The following KMT2E variants were observed in gnomAD, a reference collection of about 807,000 sequenced individuals.
KMT2E encodes lysine methyltransferase 2E (inactive), also known as histone reader KMT2E.
A neutral mutation model predicts 184.6 loss-of-function variants in KMT2E; 30 were observed. The ratio of observed to expected loss-of-function variants is 0.16; its 90% CI spans 0.12 to 0.22. KMT2E has a LOEUF of 0.22. Among genes scored for constraint, KMT2E ranks in the 10% least tolerant of loss-of-function variants. The pLI is 1.00. For synonymous variants in KMT2E, 815 were observed against 776.5 expected (o/e 1.05, Z -0.82); for missense variants, 2,023 against 2,237.4 (o/e 0.90, Z 1.93).
intron 1 of KMT2E, among the ~76,000 whole-genome samples, chr7:105,023,691 C>T (rs1162943418): frequency 6.6e-6 from 1 of 152,104 alleles, no homozygotes; most frequent in African/African-American, 2.4e-5. Context: ...GTGATCCACC[C>T]ACCTTGGCCT....
chr7:105,025,750 G>A (rs750489689), intron 1 of KMT2E, among the ~76,000 whole-genome samples: 4 of 152,156 alleles, frequency 2.6e-5, no homozygotes, highest in African/African-American at 4.8e-5. Flanking sequence ...AATGTGAAAA[G>A]AGAACTGTTT....
At chr7:105,063,711 ATGC>A in intron 5 of KMT2E, 131 bp downstream of exon 5, 2 of 632,612 alleles carry the variant, frequency 3.2e-6, no homozygotes, top group Non-Finnish European at 5.3e-6. Context: ...TCTACTATTG[ATGC>A]AGTCCTAGAA....
At chr7:105,059,992 T>TTTGTTTG (rs1796742578) in intron 3 of KMT2E, among the ~76,000 whole-genome samples, 1 of 72,514 alleles carries the variant, frequency 1.4e-5, no homozygotes, top group African/African-American at 9.6e-5. Flanking sequence ...TTTTTTTTTT[T>TTTGTTTG]TTTTTTTTTT....
At chr7:105,047,940 G>T (rs1030042701) in intron 3 of KMT2E, among the ~76,000 whole-genome samples, 1 of 152,216 alleles carries the variant, frequency 6.6e-6, no homozygotes, top group Admixed American at 6.5e-5. Context: ...AGGATTCTAA[G>T]AGCTAGCACA....
chr7:105,089,711 C>G (rs961265810), intron 13 of KMT2E, among the ~76,000 whole-genome samples: 1 of 152,080 alleles, frequency 6.6e-6, no homozygotes, highest in African/African-American at 2.4e-5. Context: ...GCAAACATTC[C>G]AAAATCCACA....
Position 105,112,434 on chromosome 7 carries a change from C to G in KMT2E, c.4678C>G (p.Gln1560Glu). The change falls in exon 27 of 27, where the codon CAG (glutamine) becomes GAG (glutamate). Residue 1560 changes from glutamine (Q) to glutamate (E), a missense_variant. Gln to Glu is a conservative substitution (Grantham distance 29, BLOSUM62 2). Transcript: ENST00000311117. ...PPPSSSYYQNQQPSANFQNYN... is the reference protein window; with the variant it reads ...PPPSSSYYQNEQPSANFQNYN... ...TCCTTCTTCGTCTTACTATCAAAACCAGCAGCCCTCTGCAAACTTTCAGAA... is the reference window on the plus strand; with the variant it reads ...TCCTTCTTCGTCTTACTATCAAAACGAGCAGCCCTCTGCAAACTTTCAGAA... The G allele has an allele frequency of 6.2e-7, 1 of 1,613,590 alleles. No homozygotes were observed. Among genetic ancestry groups the G allele is most frequent in the Non-Finnish European group, 8.5e-7 (1 of 1,179,948 alleles).
intron 13 of KMT2E, among the ~76,000 whole-genome samples, chr7:105,088,190 C>A (rs1286467647): frequency 6.6e-6 from 1 of 152,114 alleles, no homozygotes; most frequent in Non-Finnish European, 1.5e-5. Context: ...TAACCTTGGA[C>A]CAATTTCTTC....
intron 3 of KMT2E, among the ~76,000 whole-genome samples, chr7:105,054,771 TC>T (rs1796507917): frequency 6.6e-6 from 1 of 152,146 alleles, no homozygotes; most frequent in Non-Finnish European, 1.5e-5. Context: ...TGCCTTGGCC[TC>T]CCAAAGTGCT....
chr7:105,015,068 G>T (rs1384825863), intron 1 of KMT2E, among the ~76,000 whole-genome samples: 1 of 149,596 alleles, frequency 6.7e-6, no homozygotes, highest in Non-Finnish European at 1.5e-5. Context: ...TTGTGGGAGA[G>T]CGAGACAGCT....
chr7:105,066,626 C>A, intron 5 of KMT2E, 101 bp from the exon 6 acceptor site: 1 of 897,546 alleles, frequency 1.1e-6, no homozygotes, highest in Non-Finnish European at 1.7e-6. Flanking sequence ...GTACTAAGCT[C>A]AAAGTAGGTG....
rs151074690 is a variant in KMT2E at position 105,081,696 on chromosome 7, T to C, written c.1257T>C (p.His419=). 2,041 of 1,453,836 alleles carry C rather than the reference T, an allele frequency of 1.4e-3. 1 individual carries two copies. Among genetic ancestry groups the C allele is most frequent in the Non-Finnish European group, 1.9e-3 (1,951 of 1,053,714 alleles). 90.1% of individuals were successfully genotyped at this position (1,453,836 alleles called of 1,614,324 possible). Residue 419 remains histidine (H), a synonymous_variant, in exon 13 of 27, where the codon CAT becomes CAC. Transcript: ENST00000311117. ...RSCTPNAEVR[H]EIQDGTIHLY... ...ATTATTTTAACTTTTAGGTGAGGCATGAAATTCAAGATGGAACCATACATC... is the reference window on the plus strand; with the variant it reads ...ATTATTTTAACTTTTAGGTGAGGCACGAAATTCAAGATGGAACCATACATC...
At chr7:105,018,608 A>G (rs141829851) in intron 1 of KMT2E, among the ~76,000 whole-genome samples, 15 of 152,280 alleles carry the variant, frequency 9.9e-5, no homozygotes, top group African/African-American at 3.6e-4. Context: ...TTAATATTGA[A>G]AATATAATTA....
rs756633020 is a variant in KMT2E at position 105,112,385 on chromosome 7, ACCACCCCCT to A, written c.4635_4643del (p.Pro1550_Pro1552del). On this transcript the variant is annotated inframe_deletion, in exon 27 of 27. Transcript: ENST00000311117. The stretch of plus-strand genomic sequence containing the variant: ...ACCAACAAAGTCTGAACAGCACGGC[ACCACCCCCT>A]CCACCTCCTCCACCTCCTTCTTCGT... 3.7e-6 allele frequency: 6 copies of A among 1,612,776 alleles called. No homozygotes were observed. The African/African-American group carries it at 6.7e-5, about 18-fold the overall frequency.
chr7:105,071,608 A>ATATATATATATATTTT (rs1304883029), intron 6 of KMT2E, among the ~76,000 whole-genome samples: 2 of 31,880 alleles, frequency 6.3e-5, no homozygotes, highest in Non-Finnish European at 1.1e-4. Context: ...ATATATATAT[A>ATATATATATATATTTT]TTTTTTTTTT....
intron 6 of KMT2E, among the ~76,000 whole-genome samples, chr7:105,072,384 A>G (rs1797359995): frequency 6.6e-6 from 1 of 152,092 alleles, no homozygotes; most frequent in South Asian, 2.1e-4. Flanking sequence ...GTTGAGAGAG[A>G]TATGTTTATT....
At chr7:105,109,277 C>A in intron 23 of KMT2E, 49 bp downstream of exon 23, 2 of 1,557,616 alleles carry the variant, frequency 1.3e-6, no homozygotes, top group South Asian at 1.2e-5. Flanking sequence ...AGCTTTTGTT[C>A]AAGTATTCTT....
chr7:105,043,381 C>T (rs1047904041), intron 3 of KMT2E, among the ~76,000 whole-genome samples: 47 of 150,300 alleles, frequency 3.1e-4, no homozygotes, highest in African/African-American at 1.0e-3. Context: ...GGACTACAGG[C>T]GCCCGCCACT....
chr7:105,100,334 ATC>A (rs1441654016), intron 15 of KMT2E, among the ~76,000 whole-genome samples: 1 of 152,190 alleles, frequency 6.6e-6, no homozygotes, highest in African/African-American at 2.4e-5. Flanking sequence ...TGAGGCTTGA[ATC>A]TCTGCTGGTA....
chr7:105,027,771 A>C (rs987351602), intron 1 of KMT2E, among the ~76,000 whole-genome samples: 2 of 152,170 alleles, frequency 1.3e-5, no homozygotes, highest in African/African-American at 2.4e-5. Flanking sequence ...ATGCTGTAGA[A>C]GTAAAACTGT....
Sources: gnomAD v4.1 joint callset for allele counts (sites outside exome capture counted in the v4.1 genomes callset) on GRCh38, gnomAD v4.1.1 for gene constraint, MANE v1.5 for transcripts, NCBI Gene and HGNC (gene_info 2026-07-23, HGNC 2026-07-21) for gene names.